EML4: variants seen among roughly 807,000 people sequenced by gnomAD.
The protein encoded by EML4 is echinoderm microtubule-associated protein-like 4.
A neutral mutation model predicts 129.0 loss-of-function variants in EML4; 72 were observed. The ratio of observed to expected loss-of-function variants is 0.56; its 90% confidence interval spans 0.46 to 0.68. EML4 has a LOEUF of 0.68. Among genes scored for constraint, EML4 ranks in the 30% least tolerant of loss-of-function variants. EML4 has a pLI of 0.00. For missense variants in EML4, 1,363 were observed against 1,190.6 expected, an observed-to-expected ratio of 1.14 and a Z score of -2.13; for synonymous variants, 532 against 405.0, an observed-to-expected ratio of 1.31 and a Z score of -3.77.
intron 9 of EML4, among the ~76,000 whole-genome samples, chr2:42,285,741 G>A (rs1482266788): frequency 6.6e-6 from 1 of 151,988 alleles, no homozygotes; most frequent in African/African-American, 2.4e-5. Context: ...TGTGACTACA[G>A]GCGCGTACTA....
chr2:42,197,978 A>AATT (rs1671993585), intron 1 of EML4, among the ~76,000 whole-genome samples: 1 of 152,178 alleles, frequency 6.6e-6, no homozygotes, highest in Non-Finnish European at 1.5e-5. Flanking sequence ...TGGCACCTGC[A>AATT]ATTACTAGTT....
chr2:42,196,813 A>C (rs2103936105), intron 1 of EML4, among the ~76,000 whole-genome samples: 1 of 152,252 alleles, frequency 6.6e-6, no homozygotes, highest in Admixed American at 6.5e-5. Flanking sequence ...TGGAAGAGAG[A>C]CTGGGAGAGT....
At chr2:42,180,147 G>A (rs2719136) in intron 1 of EML4, among the ~76,000 whole-genome samples, 151,613 of 152,322 alleles carry the variant, frequency 1, 75,494 homozygotes, top group Middle Eastern at 1. Flanking sequence ...TTCATAGTAT[G>A]GCATTAAAAA....
At chr2:42,185,475 A>C (rs531258919) in intron 1 of EML4, among the ~76,000 whole-genome samples, 1 of 152,104 alleles carries the variant, frequency 6.6e-6, no homozygotes, top group East Asian at 1.9e-4. Flanking sequence ...AAAGTTTTCA[A>C]CCCTTGCTTA....
At chr2:42,231,960 A>T (rs994793929) in intron 1 of EML4, among the ~76,000 whole-genome samples, 14 of 152,044 alleles carry the variant, frequency 9.2e-5, no homozygotes, top group Non-Finnish European at 1.5e-4. Flanking sequence ...AAAAAAAAAA[A>T]TTATTTATTT....
At chr2:42,232,348 C>G (rs553159305) in intron 1 of EML4, among the ~76,000 whole-genome samples, 2 of 152,166 alleles carry the variant, frequency 1.3e-5, no homozygotes, top group Admixed American at 1.3e-4. Flanking sequence ...TTTTTGGCAG[C>G]CCTTCTAACC....
intron 4 of EML4, among the ~76,000 whole-genome samples, chr2:42,262,363 A>G (rs7603459): frequency 0.023 from 3,504 of 152,144 alleles, 126 homozygotes; most frequent in African/African-American, 0.08. Flanking sequence ...TTTCTTGGAT[A>G]TAGCTTATTA....
intron 6 of EML4, among the ~76,000 whole-genome samples, chr2:42,271,349 G>A (rs1363142373): frequency 6.6e-6 from 1 of 152,180 alleles, no homozygotes; most frequent in African/African-American, 2.4e-5. Flanking sequence ...CCGCCAGGCC[G>A]CTGGTCTCGC....
At chr2:42,325,148 C>T (rs941070856) in intron 19 of EML4, 17 of 517,128 alleles carry the variant, frequency 3.3e-5, no homozygotes, top group African/African-American at 1.7e-4. Flanking sequence ...ACACCAGTGA[C>T]GTGAAATAAG....
At chr2:42,220,044 T>C (rs964040853) in intron 1 of EML4, among the ~76,000 whole-genome samples, 2 of 152,088 alleles carry the variant, frequency 1.3e-5, no homozygotes, top group African/African-American at 4.8e-5. Flanking sequence ...AAGATTTATT[T>C]TGTTGCTGCA....
intron 1 of EML4, among the ~76,000 whole-genome samples, chr2:42,172,319 C>A (rs1203100130): frequency 1.3e-5 from 2 of 152,044 alleles, no homozygotes; most frequent in African/African-American, 2.4e-5. Flanking sequence ...TCAAACTGTA[C>A]CCTTGATTGT....
chr2:42,195,629 A>G (rs1045215848), intron 1 of EML4, among the ~76,000 whole-genome samples: 2 of 152,240 alleles, frequency 1.3e-5, no homozygotes, highest in African/African-American at 4.8e-5. Flanking sequence ...CTGAGATACC[A>G]GCATTAAACA....
chr2:42,218,050 G>T (rs1220997809), intron 1 of EML4, among the ~76,000 whole-genome samples: 2 of 152,156 alleles, frequency 1.3e-5, no homozygotes, highest in Middle Eastern at 3.2e-3. Context: ...CCACAGACTG[G>T]TAGGAACTGG....
At chr2:42,228,939 T>C (rs1674148875) in intron 1 of EML4, among the ~76,000 whole-genome samples, 1 of 152,122 alleles carries the variant, frequency 6.6e-6, no homozygotes, top group Non-Finnish European at 1.5e-5. Flanking sequence ...CACTGTCTCC[T>C]GCTAATTCCA....
chr2:42,322,763 T>C (rs1408989256), intron 19 of EML4, among the ~76,000 whole-genome samples: 1 of 152,230 alleles, frequency 6.6e-6, no homozygotes, highest in South Asian at 2.1e-4. Context: ...GCATACACTT[T>C]GCATTAGCCT....
intron 5 of EML4, among the ~76,000 whole-genome samples, chr2:42,263,557 A>T (rs1665868927): frequency 2.0e-5 from 3 of 151,232 alleles, no homozygotes; most frequent in African/African-American, 7.3e-5. Context: ...GGCACGTGCC[A>T]CCATGCCCAG....
chr2:42,329,969 C>T lies in EML4; in HGVS notation c.2708C>T (p.Ser903Phe), dbSNP rs760718042. Residue 903 changes from serine to phenylalanine, a missense_variant, in exon 23 of 23, where the codon TCT becomes TTT. Ser to Phe is a radical substitution (Grantham distance 155). Coordinates refer to ENST00000318522, the MANE Select transcript of EML4 (RefSeq NM_019063.5). ...IQSNTPTPPP[S>F]QPLNETAEEE... The stretch of plus-strand genomic sequence containing the variant: ...TCTAATACTCCCACACCGCCTCCTT[C>T]TCAGCCCTTAAATGAGACAGCTGAA... 2.5e-6 allele frequency: 4 copies of T among 1,613,982 alleles called. No homozygotes were observed. The highest frequency in any genetic ancestry group is 1.1e-5 in the South Asian group (1 of 91,066).
At chr2:42,177,865 C>T (rs913456353) in intron 1 of EML4, among the ~76,000 whole-genome samples, 15 of 152,246 alleles carry the variant, frequency 9.9e-5, no homozygotes, top group African/African-American at 3.1e-4. Flanking sequence ...AATATCAGTA[C>T]TTCGTGTGAT....
At chr2:42,304,780 C>G (rs1668498532) in intron 17 of EML4, among the ~76,000 whole-genome samples, 1 of 152,120 alleles carries the variant, frequency 6.6e-6, no homozygotes, top group South Asian at 2.1e-4. Context: ...GAAAACAAAA[C>G]AAAAATTCCT....
Sources: gnomAD v4.1 joint callset for allele counts (sites outside exome capture counted in the v4.1 genomes callset) on GRCh38, gnomAD v4.1.1 for gene constraint, MANE v1.5 for transcripts, NCBI Gene and HGNC (gene_info 2026-07-23, HGNC 2026-07-21) for gene names.